CFAP299: variants seen among roughly 807,000 people sequenced by gnomAD.
CFAP299 encodes the protein cilia- and flagella-associated protein 299.
A neutral mutation model predicts 27.0 loss-of-function variants in CFAP299; 21 were observed. The observed-to-expected ratio is 0.78, with a 90% CI of 0.55 to 1.12. CFAP299 has a LOEUF of 1.12. Among genes scored for constraint, CFAP299 ranks in the 50% most tolerant of loss-of-function variants. CFAP299 has a pLI of 0.00. For synonymous variants in CFAP299, 104 were observed against 98.1 expected (o/e 1.06, Z -0.36); for missense variants, 310 against 276.6 (o/e 1.12, Z -0.86).
chr4:80,382,660 C>G (rs1055117444), intron 2 of CFAP299, among the ~76,000 whole-genome samples: 2 of 152,040 alleles, frequency 1.3e-5, no homozygotes, highest in Admixed American at 1.3e-4. Context: ...GTCAGAATGG[C>G]TATTACTAAA....
chr4:80,545,519 A>G (rs1734184454), intron 2 of CFAP299, among the ~76,000 whole-genome samples: 2 of 152,264 alleles, frequency 1.3e-5, no homozygotes, highest in South Asian at 4.1e-4. Context: ...AAGTCCTGGA[A>G]ACACAAAGCC....
At chr4:80,840,842 C>G (rs1436986962) in intron 3 of CFAP299, among the ~76,000 whole-genome samples, 1 of 152,030 alleles carries the variant, frequency 6.6e-6, no homozygotes, top group East Asian at 1.9e-4. Context: ...TTTAGAAGAA[C>G]CATTCAAATG....
intron 2 of CFAP299, among the ~76,000 whole-genome samples, chr4:80,425,656 G>A (rs1727496785): frequency 1.3e-5 from 2 of 152,206 alleles, no homozygotes; most frequent in African/African-American, 2.4e-5. Context: ...CCTTTAGCAA[G>A]CCTCCGAACA....
intron 3 of CFAP299, among the ~76,000 whole-genome samples, chr4:80,693,790 G>T (rs1332119089): frequency 1.3e-5 from 2 of 151,502 alleles, no homozygotes; most frequent in Non-Finnish European, 2.9e-5. Context: ...CCCAGTTAAT[G>T]TGAAGAATCT....
At chr4:80,856,057 C>G (rs971198604) in intron 3 of CFAP299, among the ~76,000 whole-genome samples, 5 of 151,226 alleles carry the variant, frequency 3.3e-5, no homozygotes, top group East Asian at 1.9e-4. Context: ...TCCACATCCT[C>G]TCCAGCACCT....
intron 2 of CFAP299, among the ~76,000 whole-genome samples, chr4:80,486,406 T>G (rs572225888): frequency 6.1e-4 from 93 of 152,264 alleles, no homozygotes; most frequent in African/African-American, 2.2e-3. Context: ...AAACCCAGGA[T>G]ACAGAGAAGT....
intron 3 of CFAP299, among the ~76,000 whole-genome samples, chr4:80,861,277 G>A (rs1047683917): frequency 2.6e-5 from 4 of 152,104 alleles, no homozygotes; most frequent in African/African-American, 7.2e-5. Flanking sequence ...TGCAGTATTC[G>A]GGTGGGAGTG....
At chr4:80,431,158 T>A (rs1578434623) in intron 2 of CFAP299, among the ~76,000 whole-genome samples, 1 of 152,236 alleles carries the variant, frequency 6.6e-6, no homozygotes, top group African/African-American at 2.4e-5. Context: ...TGGTTATTGC[T>A]ACCTCCTTCC....
chr4:80,576,195 AAAATAT>A (rs1374875628), intron 2 of CFAP299, among the ~76,000 whole-genome samples: 168 of 40,826 alleles, frequency 4.1e-3, no homozygotes, highest in Middle Eastern at 0.014. Context: ...AATAAAAAAA[AAAATAT>A]ATATATATAT....
intron 3 of CFAP299, among the ~76,000 whole-genome samples, chr4:80,681,995 G>T (rs1019437573): frequency 3.9e-5 from 6 of 152,128 alleles, no homozygotes; most frequent in African/African-American, 1.2e-4. Context: ...GAGGATACAA[G>T]GTGTTATTGG....
At chr4:80,805,949 C>A (rs1728842967) in intron 3 of CFAP299, among the ~76,000 whole-genome samples, 1 of 151,952 alleles carries the variant, frequency 6.6e-6, no homozygotes, top group Non-Finnish European at 1.5e-5. Context: ...AATATCTCTG[C>A]ACTCAAGGAT....
intron 3 of CFAP299, among the ~76,000 whole-genome samples, chr4:80,779,474 A>G (rs1726748189): frequency 6.6e-6 from 1 of 152,058 alleles, no homozygotes; most frequent in Admixed American, 6.6e-5. Context: ...GCACAGTGCT[A>G]GAGATATGAG....
At chr4:80,931,451 C>T (rs942248798) in intron 4 of CFAP299, among the ~76,000 whole-genome samples, 7 of 152,078 alleles carry the variant, frequency 4.6e-5, no homozygotes, top group Admixed American at 2.0e-4. Context: ...GCAAAATTGA[C>T]ATGAACGATG....
At chr4:80,463,342 A>G (rs1240730909) in intron 2 of CFAP299, among the ~76,000 whole-genome samples, 1 of 152,182 alleles carries the variant, frequency 6.6e-6, no homozygotes, top group Non-Finnish European at 1.5e-5. Flanking sequence ...TACACAAAGA[A>G]AGAACATATC....
chr4:80,584,579 T>A (rs1016667457), intron 3 of CFAP299, among the ~76,000 whole-genome samples: 13 of 152,042 alleles, frequency 8.6e-5, no homozygotes, highest in African/African-American at 2.9e-4. Flanking sequence ...GTGATATAGT[T>A]ATCTTATAGT....
Position 80,937,312 on chromosome 4 carries a change from C to CTTTTTTTTTT in CFAP299, c.477-7485_477-7476dup, listed in dbSNP as rs70956081. Among the ~76,000 whole-genome samples, 263 of 68,616 alleles carry CTTTTTTTTTT rather than the reference C, an allele frequency of 3.8e-3. 14 individuals carry two copies. The highest frequency in any genetic ancestry group is 0.011 in the African/African-American group (164 of 15,246). 45.0% of individuals were successfully genotyped at this position (68,616 alleles called of 152,430 possible). A position where few individuals can be genotyped will look rare whatever the true frequency, so the allele number is the denominator to read the frequency against. ...TTTTCTTTTTTCTTTTTTTTTCTTTCTTTTTTTTTTTTTTTTTTTTTTGAG... is the reference window on the plus strand; with the variant it reads ...TTTTCTTTTTTCTTTTTTTTTCTTTCTTTTTTTTTTTTTTTTTTTTTTTTTTTTTTTTGAG... On this transcript the variant is annotated intron_variant, in intron 4 of 5. Coordinates refer to ENST00000358105, the MANE Select transcript of CFAP299 (RefSeq NM_152770.3).
At chr4:80,812,878 A>G (rs1729226877) in intron 3 of CFAP299, among the ~76,000 whole-genome samples, 1 of 152,118 alleles carries the variant, frequency 6.6e-6, no homozygotes, top group Non-Finnish European at 1.5e-5. Context: ...ATTTGGATCT[A>G]ATGACATCAC....
chr4:80,791,265 T>C (rs544791366), intron 3 of CFAP299, among the ~76,000 whole-genome samples: 2 of 152,096 alleles, frequency 1.3e-5, no homozygotes, highest in South Asian at 2.1e-4. Context: ...TATATAAATC[T>C]GTGGTCTTTA....
intron 3 of CFAP299, among the ~76,000 whole-genome samples, chr4:80,856,475 G>C (rs907144151): frequency 3.3e-5 from 5 of 152,108 alleles, no homozygotes; most frequent in Non-Finnish European, 5.9e-5. Flanking sequence ...TGAAGTCCTT[G>C]CCCATGCCCA....
Sources: gnomAD v4.1 joint callset for allele counts (sites outside exome capture counted in the v4.1 genomes callset) on GRCh38, gnomAD v4.1.1 for gene constraint, MANE v1.5 for transcripts, NCBI Gene and HGNC (gene_info 2026-07-23, HGNC 2026-07-21) for gene names.